Variants in KCNIP1 observed in about 807,000 individuals in gnomAD.
The protein encoded by KCNIP1 is A-type potassium channel modulatory protein KCNIP1.
A neutral mutation model predicts 33.0 loss-of-function variants in KCNIP1; 18 were observed. The observed-to-expected ratio is 0.55, with a 90% CI of 0.38 to 0.81. The LOEUF (loss-of-function observed/expected upper bound fraction) is 0.81, where lower values mean the gene tolerates loss of function less well. Ranked by LOEUF, KCNIP1 falls within the 30% of genes least tolerant of loss-of-function variation. The pLI, the probability that KCNIP1 is intolerant of heterozygous loss-of-function variation, is 0.00. For missense variants in KCNIP1, 238 were observed against 271.6 expected, an observed-to-expected ratio of 0.88 and a Z score of 0.87; for synonymous variants, 93 against 98.3, an observed-to-expected ratio of 0.95 and a Z score of 0.32.
rs1031323776 is a variant in KCNIP1 at position 170,675,137 on chromosome 5, A to G, written c.62-43621A>G. 2.0e-5 allele frequency among the ~76,000 whole-genome samples: 3 copies of G among 151,938 alleles called. No individual in the cohort carries two copies. The South Asian group carries it at 6.2e-4, about 32-fold the overall frequency. ...GCAATATAGTGAGATCTCTATGTCT[A>G]GAATGTTTTTTAATTAGCTGGGCTT... On this transcript the variant is annotated intron_variant, in intron 1 of 7. Transcript: ENST00000328939.
intron 1 of KCNIP1, among the ~76,000 whole-genome samples, chr5:170,416,009 C>A (rs1307862268): frequency 6.6e-6 from 1 of 151,986 alleles, no homozygotes; most frequent in Non-Finnish European, 1.5e-5. Context: ...GAGAAGGGTG[C>A]TCCAAGAGCC....
chr5:170,672,351 C>A (rs975720187), intron 1 of KCNIP1, among the ~76,000 whole-genome samples: 6 of 152,174 alleles, frequency 3.9e-5, no homozygotes, highest in Non-Finnish European at 7.3e-5. Context: ...AACTCCCTCT[C>A]GAAGGGGTTC....
chr5:170,443,482 C>T (rs970543986), intron 1 of KCNIP1, among the ~76,000 whole-genome samples: 1 of 152,126 alleles, frequency 6.6e-6, no homozygotes, highest in African/African-American at 2.4e-5. Flanking sequence ...AAGTAGTGAG[C>T]CTCCTGTGGA....
intron 1 of KCNIP1, among the ~76,000 whole-genome samples, chr5:170,435,643 T>C (rs17564100): frequency 0.074 from 11,196 of 152,230 alleles, 507 homozygotes; most frequent in Non-Finnish European, 0.11. Flanking sequence ...TCCTGCCTTG[T>C]TATGTGATTA....
At chr5:170,405,291 A>C (rs1313335210) in intron 1 of KCNIP1, among the ~76,000 whole-genome samples, 1 of 151,836 alleles carries the variant, frequency 6.6e-6, no homozygotes, top group African/African-American at 2.4e-5. Flanking sequence ...GCCTCCAGGT[A>C]TCAAGCGATT....
intron 1 of KCNIP1, among the ~76,000 whole-genome samples, chr5:170,704,976 C>A (rs970203223): frequency 6.6e-6 from 1 of 152,250 alleles, no homozygotes; most frequent in African/African-American, 2.4e-5. Flanking sequence ...TGATTGCTCC[C>A]GGGCTCTCTG....
intron 1 of KCNIP1, among the ~76,000 whole-genome samples, chr5:170,521,054 G>T (rs1755346022): frequency 6.6e-6 from 1 of 152,166 alleles, no homozygotes; most frequent in African/African-American, 2.4e-5. Flanking sequence ...TAACGTTTGG[G>T]TTGTTACAGT....
intron 1 of KCNIP1, among the ~76,000 whole-genome samples, chr5:170,625,874 C>T (rs548865072): frequency 3.3e-5 from 5 of 152,208 alleles, no homozygotes; most frequent in South Asian, 2.1e-4. Context: ...TTGGACCCAG[C>T]GAGTGAGGTG....
At chr5:170,391,091 A>G (rs1169409585) in intron 1 of KCNIP1, among the ~76,000 whole-genome samples, 7 of 152,338 alleles carry the variant, frequency 4.6e-5, no homozygotes, top group African/African-American at 1.7e-4. Context: ...CCTTGCAGGC[A>G]GATTGACAGA....
At chr5:170,396,649 T>C (rs1261941597) in intron 1 of KCNIP1, among the ~76,000 whole-genome samples, 2 of 152,208 alleles carry the variant, frequency 1.3e-5, no homozygotes, top group African/African-American at 2.4e-5. Flanking sequence ...ATTTCCTGAA[T>C]AGCAATTGGT....
chr5:170,721,607 A>G (rs1366226813), intron 3 of KCNIP1: 2 of 774,622 alleles, frequency 2.6e-6, no homozygotes, highest in East Asian at 2.7e-5. Flanking sequence ...TGGTTTTCTC[A>G]TGATGGCTAG....
intron 1 of KCNIP1, among the ~76,000 whole-genome samples, chr5:170,388,978 C>A (rs1764597989): frequency 6.6e-6 from 1 of 152,172 alleles, no homozygotes; most frequent in Non-Finnish European, 1.5e-5. Context: ...GTGACAAGTG[C>A]CAGCATTGGT....
intron 1 of KCNIP1, among the ~76,000 whole-genome samples, chr5:170,365,969 G>A (rs1043397740): frequency 3.3e-5 from 5 of 152,230 alleles, no homozygotes; most frequent in African/African-American, 9.6e-5. Flanking sequence ...CTCCCTCATT[G>A]CATCCTAGGC....
chr5:170,441,951 C>CAAAAAA (rs34610945), intron 1 of KCNIP1, among the ~76,000 whole-genome samples: 7 of 72,228 alleles, frequency 9.7e-5, no homozygotes, highest in East Asian at 5.4e-4. Flanking sequence ...GACTCCATCT[C>CAAAAAA]AAAAAAAAAA....
chr5:170,661,036 G>A (rs944840881), intron 1 of KCNIP1, among the ~76,000 whole-genome samples: 29 of 152,238 alleles, frequency 1.9e-4, no homozygotes, highest in African/African-American at 5.5e-4. Flanking sequence ...GATAGAATGG[G>A]CATTTTCTGG....
chr5:170,624,723 C>CGGGGGGGGGG (rs1461838430), intron 1 of KCNIP1, among the ~76,000 whole-genome samples: 1 of 34,614 alleles, frequency 2.9e-5, no homozygotes, highest in Non-Finnish European at 5.3e-5. Flanking sequence ...GGAAAGGAGA[C>CGGGGGGGGGG]CGGGGAGGTG....
chr5:170,512,400 CCTT>C (rs1754968473), intron 1 of KCNIP1, among the ~76,000 whole-genome samples: 1 of 152,216 alleles, frequency 6.6e-6, no homozygotes, highest in Admixed American at 6.5e-5. Flanking sequence ...TCCTTTCTCT[CCTT>C]AGCCACATGT....
intron 1 of KCNIP1, among the ~76,000 whole-genome samples, chr5:170,356,699 C>A (rs983924613): frequency 4.6e-5 from 7 of 152,176 alleles, no homozygotes; most frequent in African/African-American, 1.7e-4. Flanking sequence ...TTTTTGCTCA[C>A]CACTGTGGCC....
intron 1 of KCNIP1, among the ~76,000 whole-genome samples, chr5:170,556,024 G>T (rs969038581): frequency 9.9e-5 from 15 of 152,154 alleles, no homozygotes; most frequent in Admixed American, 7.8e-4. Flanking sequence ...AAAACCTTTG[G>T]CCCACTGCAA....
Sources: gnomAD v4.1 joint callset for allele counts (sites outside exome capture counted in the v4.1 genomes callset) on GRCh38, gnomAD v4.1.1 for gene constraint, MANE v1.5 for transcripts, NCBI Gene and HGNC (gene_info 2026-07-23, HGNC 2026-07-21) for gene names.